The following RAB11FIP4 variants were observed in gnomAD, a reference collection of about 807,000 sequenced individuals.
RAB11FIP4 encodes rab11 family-interacting protein 4.
A neutral mutation model predicts 74.3 loss-of-function variants in RAB11FIP4; 23 were observed. The ratio of observed to expected loss-of-function variants is 0.31; its 90% CI spans 0.22 to 0.44. The LOEUF is 0.44. RAB11FIP4 is among the 20% of genes least tolerant of loss of function. RAB11FIP4 has a pLI of 1.00. For missense variants in RAB11FIP4, 630 were observed against 863.9 expected (o/e 0.73, Z 3.39); for synonymous variants, 360 against 359.9 (o/e 1.00, Z 0.00).
At chr17:31,491,952 A>G (rs1359654788) in intron 3 of RAB11FIP4, among the ~76,000 whole-genome samples, 1 of 152,144 alleles carries the variant, frequency 6.6e-6, no homozygotes, top group Non-Finnish European at 1.5e-5. Flanking sequence ...CTGCCAGACT[A>G]TGCTGTTGCC....
At chr17:31,446,969 G>C (rs1451385913) in intron 3 of RAB11FIP4, among the ~76,000 whole-genome samples, 1 of 152,198 alleles carries the variant, frequency 6.6e-6, no homozygotes. Flanking sequence ...GGACAGCAAA[G>C]TGAGACCCCC....
At chr17:31,451,033 C>T (rs570282124) in intron 3 of RAB11FIP4, among the ~76,000 whole-genome samples, 1 of 152,288 alleles carries the variant, frequency 6.6e-6, no homozygotes, top group Admixed American at 6.5e-5. Context: ...TGTCCCGAGC[C>T]ATCCACTTCC....
At chr17:31,487,977 G>C (rs1463296227) in intron 3 of RAB11FIP4, 59 of 591,630 alleles carry the variant, frequency 1.0e-4, no homozygotes, top group South Asian at 1.5e-4. Context: ...CCCCCGCCCC[G>C]CCCCGGCGCG....
At chr17:31,454,979 A>G (rs560674696) in intron 3 of RAB11FIP4, among the ~76,000 whole-genome samples, 16 of 152,316 alleles carry the variant, frequency 1.1e-4, no homozygotes, top group African/African-American at 3.6e-4. Context: ...AGGCAGGAAG[A>G]GGACTGGTCT....
chr17:31,421,611 C>T (rs1004294290), intron 1 of RAB11FIP4, among the ~76,000 whole-genome samples: 33 of 146,648 alleles, frequency 2.3e-4, no homozygotes, highest in Admixed American at 9.7e-4. Flanking sequence ...GGCTGGAGTG[C>T]AATAGCGCAA....
chr17:31,499,544 A>G (rs1265187967), intron 3 of RAB11FIP4, among the ~76,000 whole-genome samples: 3 of 151,914 alleles, frequency 2.0e-5, no homozygotes, highest in East Asian at 1.9e-4. Flanking sequence ...TTTAGTAGAG[A>G]TGGGGTTTCA....
At chr17:31,506,201 A>G (rs1292670720) in intron 3 of RAB11FIP4, among the ~76,000 whole-genome samples, 1 of 152,156 alleles carries the variant, frequency 6.6e-6, no homozygotes, top group Non-Finnish European at 1.5e-5. Context: ...TTATTTACTC[A>G]GTTTTCTTTA....
chr17:31,428,511 G>A (rs1035124294), intron 1 of RAB11FIP4, among the ~76,000 whole-genome samples: 1 of 152,138 alleles, frequency 6.6e-6, no homozygotes, highest in African/African-American at 2.4e-5. Flanking sequence ...ATCCTGGCCT[G>A]GCTGTGCTAT....
intron 1 of RAB11FIP4, among the ~76,000 whole-genome samples, chr17:31,424,379 C>G (rs944028971): frequency 6.6e-6 from 1 of 152,108 alleles, no homozygotes; most frequent in African/African-American, 2.4e-5. Context: ...GTCCTCAAGC[C>G]ACATCTGAGA....
intron 3 of RAB11FIP4, 139 bp from the exon 4 acceptor site, chr17:31,517,512 A>C: frequency 2.7e-6 from 2 of 740,682 alleles, no homozygotes; most frequent in South Asian, 3.5e-5. Context: ...AGGTGTTCCC[A>C]CGCTTAGGGT....
At chr17:31,516,627 G>T (rs977910368) in intron 3 of RAB11FIP4, among the ~76,000 whole-genome samples, 3 of 152,128 alleles carry the variant, frequency 2.0e-5, no homozygotes, top group Admixed American at 2.0e-4. Context: ...GCGCCACCTC[G>T]CCCAGCTAAT....
At chr17:31,478,046 G>A (rs1045873694) in intron 3 of RAB11FIP4, among the ~76,000 whole-genome samples, 1 of 145,774 alleles carries the variant, frequency 6.9e-6, no homozygotes, top group African/African-American at 2.6e-5. Flanking sequence ...AGGCTGGAGT[G>A]CAGTGGCTAG....
At chr17:31,521,075 T>C (rs1436469513) in intron 4 of RAB11FIP4, 91 bp from the exon 5 acceptor site, 4 of 1,042,638 alleles carry the variant, frequency 3.8e-6, no homozygotes, top group South Asian at 1.8e-5. Context: ...GTAGTGCCAA[T>C]TAAAGGGAAA....
Position 31,532,845 on chromosome 17 carries a change from G to A in RAB11FIP4, c.*1113G>A, listed in dbSNP as rs979490106. 2.0e-5 allele frequency: 3 copies of A among 152,150 alleles called. No homozygotes were observed. Among genetic ancestry groups the A allele is most frequent in the African/African-American group, 4.8e-5 (2 of 41,400 alleles). 9.4% of individuals were successfully genotyped at this position (152,150 alleles called of 1,614,324 possible). A position where few individuals can be genotyped will look rare whatever the true frequency, so the allele number is the denominator to read the frequency against. ...AGCACTCGCTGCACTGGTGGGAGGC[G>A]GTTGGGAAAGTTGCAGGAAAACCTT... On this transcript the variant is annotated 3_prime_UTR_variant, in exon 15 of 15. Transcript: ENST00000621161.
At chr17:31,431,247 G>A (rs1267536445) in intron 1 of RAB11FIP4, among the ~76,000 whole-genome samples, 2 of 152,132 alleles carry the variant, frequency 1.3e-5, no homozygotes, top group Non-Finnish European at 2.9e-5. Flanking sequence ...CCTGTTACAC[G>A]GGAGAGAAAC....
At chr17:31,412,756 A>G (rs1414770773) in intron 1 of RAB11FIP4, among the ~76,000 whole-genome samples, 1 of 152,178 alleles carries the variant, frequency 6.6e-6, no homozygotes, top group Non-Finnish European at 1.5e-5. Flanking sequence ...CCAGGCGCAG[A>G]TAGGTTTCAG....
At chr17:31,506,995 C>T (rs989457696) in intron 3 of RAB11FIP4, among the ~76,000 whole-genome samples, 62 of 152,240 alleles carry the variant, frequency 4.1e-4, no homozygotes, top group African/African-American at 1.2e-3. Flanking sequence ...TACTTACAGT[C>T]CCAACCGGGC....
chr17:31,512,221 T>C lies in RAB11FIP4; in HGVS notation c.337-5430T>C, dbSNP rs978132737. On this transcript the variant is annotated intron_variant, in intron 3 of 14. Coordinates refer to ENST00000621161, the MANE Select transcript of RAB11FIP4 (RefSeq NM_032932.6). This position sits in a 1 kb window ranked among gnomAD's most constrained non-coding sequence, Gnocchi z 4.1. Reference sequence around the variant, plus strand: ...CCCCTCGTGAGGCCAGGTCAGAATTTACGGCTCCTACCGTGACCGACTCTC... The same window carrying C: ...CCCCTCGTGAGGCCAGGTCAGAATTCACGGCTCCTACCGTGACCGACTCTC... Among the ~76,000 whole-genome samples, 2 of 152,176 alleles carry C rather than the reference T, an allele frequency of 1.3e-5. No homozygotes were observed. Among genetic ancestry groups the C allele is most frequent in the Non-Finnish European group, 2.9e-5 (2 of 68,020 alleles).
chr17:31,432,152 G>A (rs1160644236), intron 2 of RAB11FIP4, among the ~76,000 whole-genome samples: 2 of 152,042 alleles, frequency 1.3e-5, no homozygotes, highest in Non-Finnish European at 2.9e-5. Context: ...CGCCTCTGGA[G>A]AAAGCCTCCT....
Sources: gnomAD v4.1 joint callset for allele counts (sites outside exome capture counted in the v4.1 genomes callset) on GRCh38, gnomAD v4.1.1 for gene constraint, Gnocchi (gnomAD v3.1) non-coding constraint, MANE v1.5 for transcripts, NCBI Gene and HGNC (gene_info 2026-07-23, HGNC 2026-07-21) for gene names.